CPQ: variants seen among roughly 807,000 people sequenced by gnomAD.
CPQ encodes the protein carboxypeptidase Q.
In CPQ, 37 loss-of-function variants were observed where a neutral mutation model predicts 45.7. The observed-to-expected ratio is 0.81, with a 90% CI of 0.62 to 1.07. CPQ has a LOEUF of 1.07. Among genes scored for constraint, CPQ ranks in the 50% least tolerant of loss-of-function variants. CPQ has a pLI of 0.00. For synonymous variants in CPQ, 186 were observed against 205.8 expected (o/e 0.90, Z 0.82); for missense variants, 537 against 572.9 (o/e 0.94, Z 0.64).
intron 2 of CPQ, among the ~76,000 whole-genome samples, chr8:96,815,050 C>T (rs1811209821): frequency 1.3e-5 from 2 of 152,048 alleles, no homozygotes; most frequent in African/African-American, 4.8e-5. Flanking sequence ...ATTAATGGTA[C>T]TGTGTTTGTC....
intron 1 of CPQ, among the ~76,000 whole-genome samples, chr8:96,744,969 C>A (rs139976448): frequency 6.6e-6 from 1 of 152,158 alleles, no homozygotes; most frequent in Non-Finnish European, 1.5e-5. Flanking sequence ...TGAACTATCC[C>A]TATGGCCCCC....
chr8:96,822,810 G>A (rs1368415139), intron 2 of CPQ, among the ~76,000 whole-genome samples: 2 of 151,972 alleles, frequency 1.3e-5, no homozygotes, highest in African/African-American at 4.8e-5. Context: ...TAGTTCGTTA[G>A]CATAAAATCC....
intron 1 of CPQ, among the ~76,000 whole-genome samples, chr8:96,667,097 C>T (rs1008071448): frequency 3.5e-5 from 3 of 86,100 alleles, no homozygotes; most frequent in African/African-American, 1.3e-4. Context: ...CCCCACTTCT[C>T]CCACAAAAAA....
chr8:96,724,520 CACACA>C (rs1809809465), intron 1 of CPQ, among the ~76,000 whole-genome samples: 1 of 151,826 alleles, frequency 6.6e-6, no homozygotes, highest in East Asian at 1.9e-4. Flanking sequence ...CACACACACA[CACACA>C]CCCCTAGGAA....
intron 4 of CPQ, among the ~76,000 whole-genome samples, chr8:96,906,062 C>A (rs1016468015): frequency 1.4e-5 from 2 of 146,940 alleles, no homozygotes; most frequent in Non-Finnish European, 3.1e-5. Flanking sequence ...AATGCAGATT[C>A]CTGCCACAGC....
At chr8:96,926,610 TCTTCTTCTTCTTCTC>T (rs1263403782) in intron 4 of CPQ, among the ~76,000 whole-genome samples, 10 of 148,970 alleles carry the variant, frequency 6.7e-5, no homozygotes, top group African/African-American at 2.5e-4. Flanking sequence ...TTCTTCTTCT[TCTTCTTCTTCTTCTC>T]CTCCTTCTCC....
At position 96,645,422 on chromosome 8, in the gene CPQ, G is replaced by A. The variant is rs1287543401; in HGVS notation, c.-35+20G>A. 1.3e-5 allele frequency: 2 copies of A among 152,798 alleles called. No individual in the cohort carries two copies. The highest frequency in any genetic ancestry group is 4.8e-5 in the African/African-American group (2 of 41,476). The allele number at this position is 152,798 out of a possible 1,614,324, so 9.5% of individuals were successfully genotyped here. A position where few individuals can be genotyped will look rare whatever the true frequency, so the allele number is the denominator to read the frequency against. On this transcript the variant is annotated intron_variant, in intron 1 of 7. Coordinates refer to ENST00000220763, the MANE Select transcript of CPQ (RefSeq NM_016134.4). ...TATCAGGTGTGTTTGCAGCCGAACT[G>A]GCAGTGCCCGCGGGCGGCTGGGCCG...
At chr8:96,776,508 A>G (rs1167261994) in intron 1 of CPQ, among the ~76,000 whole-genome samples, 1 of 152,100 alleles carries the variant, frequency 6.6e-6, no homozygotes, top group Non-Finnish European at 1.5e-5. Context: ...GTTCTTTTCC[A>G]CTTCTGTTTG....
intron 5 of CPQ, among the ~76,000 whole-genome samples, chr8:97,026,089 A>C (rs1212113366): frequency 6.6e-6 from 1 of 152,194 alleles, no homozygotes; most frequent in Admixed American, 6.5e-5. Context: ...CTGTATAAAC[A>C]AAGGTGTTCT....
intron 1 of CPQ, among the ~76,000 whole-genome samples, chr8:96,780,152 C>T (rs1338779074): frequency 6.6e-6 from 1 of 152,010 alleles, no homozygotes; most frequent in East Asian, 1.9e-4. Context: ...AATAATTTAC[C>T]CTACTTGACT....
At chr8:96,905,714 C>A (rs1006957206) in intron 4 of CPQ, among the ~76,000 whole-genome samples, 1 of 136,402 alleles carries the variant, frequency 7.3e-6, no homozygotes. Context: ...TTTCCCTTTA[C>A]ACATGGTGAA....
At chr8:96,863,554 G>A (rs1022638671) in intron 3 of CPQ, among the ~76,000 whole-genome samples, 1 of 151,974 alleles carries the variant, frequency 6.6e-6, no homozygotes, top group African/African-American at 2.4e-5. Context: ...CTGAATTAAT[G>A]AGCTTATTTC....
intron 1 of CPQ, among the ~76,000 whole-genome samples, chr8:96,683,485 A>T (rs1809178180): frequency 1.3e-5 from 2 of 152,040 alleles, no homozygotes; most frequent in Admixed American, 1.3e-4. Context: ...CAGTTTGCTT[A>T]TAATGTAATT....
intron 1 of CPQ, among the ~76,000 whole-genome samples, chr8:96,769,305 A>T (rs530451673): frequency 1.3e-5 from 2 of 152,274 alleles, no homozygotes; most frequent in Non-Finnish European, 2.9e-5. Context: ...GTTCTCTCAG[A>T]TCGTAGGACC....
intron 6 of CPQ, among the ~76,000 whole-genome samples, chr8:97,032,117 A>AC (rs768099384): frequency 6.6e-6 from 1 of 152,164 alleles, no homozygotes; most frequent in Non-Finnish European, 1.5e-5. Context: ...TATCCAGTTC[A>AC]CTCCAGTCAC....
intron 7 of CPQ, among the ~76,000 whole-genome samples, chr8:97,071,953 C>CA (rs1214993758): frequency 6.6e-6 from 1 of 152,118 alleles, no homozygotes; most frequent in East Asian, 1.9e-4. Flanking sequence ...TTGCTCTAAG[C>CA]AGCACATTCT....
At chr8:97,123,426 T>C (rs1811792640) in intron 7 of CPQ, among the ~76,000 whole-genome samples, 1 of 151,116 alleles carries the variant, frequency 6.6e-6, no homozygotes. Context: ...AAGTATACTA[T>C]TGTAGAATTC....
chr8:96,932,944 T>C (rs569851474), intron 4 of CPQ, among the ~76,000 whole-genome samples: 2 of 152,300 alleles, frequency 1.3e-5, no homozygotes, highest in South Asian at 2.1e-4. Flanking sequence ...TTAAGTTCTT[T>C]CCTAAAATAC....
At chr8:97,138,224 CAA>C (rs1336286678) in intron 7 of CPQ, among the ~76,000 whole-genome samples, 3 of 152,140 alleles carry the variant, frequency 2.0e-5, no homozygotes, top group African/African-American at 7.2e-5. Context: ...ATAATTAGCC[CAA>C]GTTACCCCCC....
Sources: allele counts gnomAD v4.1 joint callset (sites outside exome capture counted in the v4.1 genomes callset), GRCh38; gene constraint gnomAD v4.1.1; transcripts MANE v1.5; gene names NCBI Gene and HGNC (gene_info 2026-07-23, HGNC 2026-07-21).